ISM1: variants seen among roughly 807,000 people sequenced by gnomAD.
ISM1 encodes the protein isthmin 1.
A neutral mutation model predicts 46.3 loss-of-function variants in ISM1; 25 were observed. The ratio of observed to expected loss-of-function variants is 0.54; its 90% confidence interval spans 0.39 to 0.75. ISM1 has a LOEUF of 0.75. Among genes scored for constraint, ISM1 ranks in the 30% least tolerant of loss-of-function variants. The probability of loss-of-function intolerance (pLI) is 0.00; values close to 1 mark genes in which losing one functional copy is unlikely to be tolerated. For missense variants in ISM1, 536 were observed against 625.4 expected (o/e 0.86, Z 1.52); for synonymous variants, 255 against 256.7 (o/e 0.99, Z 0.06).
rs140759152 is a variant in ISM1 at position 13,257,911 on chromosome 20, G to A, written c.139-12593G>A. 4.1e-4 allele frequency among the ~76,000 whole-genome samples: 63 copies of A among 152,184 alleles called. No individual in the cohort carries two copies. The East Asian group carries it at 0.011, about 26-fold the overall frequency. ...GACTCTCTTGTTCTAACCAGCTCCA[G>A]GGTAGAAATTAGGACAGCACCGTAC... On this transcript the variant is annotated intron_variant, in intron 1 of 5. Coordinates refer to ENST00000262487, the MANE Select transcript of ISM1 (RefSeq NM_080826.2).
At chr20:13,254,937 T>TA (rs1483945656) in intron 1 of ISM1, among the ~76,000 whole-genome samples, 1 of 152,222 alleles carries the variant, frequency 6.6e-6, no homozygotes, top group Non-Finnish European at 1.5e-5. Flanking sequence ...AGAGAGCATT[T>TA]AGTGAGGTCC....
chr20:13,309,703 G>C, the ISM1 span, among the ~76,000 whole-genome samples: 6 of 151,972 alleles, frequency 3.9e-5, no homozygotes, highest in African/African-American at 1.2e-4. Context: ...AAATCCTAAA[G>C]GCTCCACCAA....
chr20:13,222,156 C>T (rs911476854), intron 1 of ISM1, among the ~76,000 whole-genome samples: 2 of 152,042 alleles, frequency 1.3e-5, no homozygotes, highest in Non-Finnish European at 2.9e-5. Flanking sequence ...CTGTCTGTCA[C>T]GGGTCAGGTG....
chr20:13,227,525 T>G (rs2039539967), intron 1 of ISM1, among the ~76,000 whole-genome samples: 1 of 147,952 alleles, frequency 6.8e-6, no homozygotes, highest in Admixed American at 6.8e-5. Context: ...TTTTTTTTTT[T>G]TGAGACGGAG....
chr20:13,311,216 T>TAGATAGATA, the ISM1 span, among the ~76,000 whole-genome samples: 63 of 133,292 alleles, frequency 4.7e-4, no homozygotes, highest in African/African-American at 1.6e-3. Context: ...TATAGATAGA[T>TAGATAGATA]GATAGATAGA....
chr20:13,271,384 G>A (rs2040113907), intron 2 of ISM1, among the ~76,000 whole-genome samples: 1 of 152,196 alleles, frequency 6.6e-6, no homozygotes, highest in Admixed American at 6.5e-5. Flanking sequence ...TGGGAGGTTA[G>A]GGAAAGGGTG....
Position 13,279,895 on chromosome 20 carries a change from T to C in ISM1, c.640T>C (p.Tyr214His). ...TTTTGAAACCAAAGATCAGCCAGAA[T>C]ATGGTGAGTTTACCACCTAGTAATA... Reference protein sequence around the residue: ...RTFETKDQPEYDSTDGEGDWS... With the variant: ...RTFETKDQPEHDSTDGEGDWS... Residue 214 changes from tyrosine (Y) to histidine (H), a missense_variant, in exon 3 of 6, where the codon TAT (tyrosine) becomes CAT (histidine). This residue lies in a region of ISM1 where 367 missense variants were observed against 376.1 expected (regional missense o/e 0.98). Coordinates refer to ENST00000262487, the MANE Select transcript of ISM1 (RefSeq NM_080826.2). 9 of 1,613,726 alleles carry C rather than the reference T, an allele frequency of 5.6e-6. No individual in the cohort carries two copies. Among genetic ancestry groups the C allele is most frequent in the Non-Finnish European group, 7.6e-6 (9 of 1,179,744 alleles).
intron 5 of ISM1, among the ~76,000 whole-genome samples, chr20:13,296,321 C>T (rs2040406659): frequency 6.6e-6 from 1 of 152,198 alleles, no homozygotes; most frequent in African/African-American, 2.4e-5. Context: ...AATCCAGGAC[C>T]AGTCCCCTGT....
intron 1 of ISM1, among the ~76,000 whole-genome samples, chr20:13,240,236 A>G (rs1449740854): frequency 1.3e-5 from 2 of 152,260 alleles, no homozygotes; most frequent in African/African-American, 4.8e-5. Flanking sequence ...CTTATGTTCT[A>G]GAAAGAAAAC....
At chr20:13,318,117 G>A in the ISM1 span, among the ~76,000 whole-genome samples, 1 of 96,050 alleles carries the variant, frequency 1.0e-5, no homozygotes, top group Non-Finnish European at 2.3e-5. Context: ...TTCTTTAAAT[G>A]TTTCTGAGGA....
the ISM1 span, among the ~76,000 whole-genome samples, chr20:13,320,341 G>A: frequency 2.8e-3 from 434 of 152,282 alleles, 1 homozygote; most frequent in African/African-American, 1.0e-2. Context: ...TACTAGAGGA[G>A]GGATGTTAAC....
chr20:13,266,666 T>G (rs886880096), intron 1 of ISM1, among the ~76,000 whole-genome samples: 6 of 152,208 alleles, frequency 3.9e-5, no homozygotes, highest in Non-Finnish European at 8.8e-5. Context: ...TCACTTTAAC[T>G]GGGGCAGAAT....
At chr20:13,263,338 C>G (rs1487857185) in intron 1 of ISM1, among the ~76,000 whole-genome samples, 1 of 152,058 alleles carries the variant, frequency 6.6e-6, no homozygotes, top group Admixed American at 6.6e-5. Context: ...ACAAGCCCCC[C>G]ACCACCCCCT....
intron 1 of ISM1, among the ~76,000 whole-genome samples, chr20:13,268,155 C>T (rs200861242): frequency 0.018 from 1,237 of 68,842 alleles, 14 homozygotes; most frequent in African/African-American, 0.061. Flanking sequence ...TCTTCTCTTC[C>T]CTTCCCTTCT....
intron 1 of ISM1, among the ~76,000 whole-genome samples, chr20:13,236,512 C>T (rs2039651866): frequency 1.3e-5 from 2 of 152,104 alleles, no homozygotes; most frequent in South Asian, 4.1e-4. Context: ...ATTTCAAAAC[C>T]AATCATGCCT....
intron 1 of ISM1, among the ~76,000 whole-genome samples, chr20:13,232,732 G>T (rs1184817113): frequency 1.3e-5 from 2 of 152,186 alleles, no homozygotes; most frequent in African/African-American, 2.4e-5. Context: ...CACATAAAGT[G>T]TTTAGGATCT....
chr20:13,259,822 G>A (rs2039968646), intron 1 of ISM1, among the ~76,000 whole-genome samples: 1 of 152,180 alleles, frequency 6.6e-6, no homozygotes, highest in African/African-American at 2.4e-5. Flanking sequence ...ATACTTTGGG[G>A]CAGGCCTGTG....
intron 4 of ISM1, among the ~76,000 whole-genome samples, chr20:13,289,116 T>A (rs1022775414): frequency 3.9e-5 from 6 of 152,116 alleles, no homozygotes; most frequent in African/African-American, 1.4e-4. Flanking sequence ...CCAGAGTGAG[T>A]CAGGAGATAA....
intron 2 of ISM1, among the ~76,000 whole-genome samples, chr20:13,276,923 A>G (rs946774415): frequency 6.6e-6 from 1 of 152,154 alleles, no homozygotes; most frequent in African/African-American, 2.4e-5. Context: ...CACTTTGTTA[A>G]CTGTAGGGAA....
Sources: allele counts gnomAD v4.1 joint callset (sites outside exome capture counted in the v4.1 genomes callset), GRCh38; gene constraint gnomAD v4.1.1; regional missense constraint gnomAD v4.1.1; transcripts MANE v1.5; gene names NCBI Gene and HGNC (gene_info 2026-07-23, HGNC 2026-07-21).